CNOT1: variants seen among roughly 807,000 people sequenced by gnomAD.
The protein encoded by CNOT1 is CCR4-associated factor 1.
CNOT1 carries 15 observed loss-of-function variants against 273.8 expected under a neutral mutation model. The ratio of observed to expected loss-of-function variants is 0.05; its 90% CI spans 0.04 to 0.08. The LOEUF is 0.08. Among genes scored for constraint, CNOT1 ranks in the 10% least tolerant of loss-of-function variants. CNOT1 has a pLI of 1.00. For synonymous variants in CNOT1, 1,022 were observed against 1,005.5 expected, an observed-to-expected ratio of 1.02 and a Z score of -0.31; for missense variants, 1,644 against 2,912.2, an observed-to-expected ratio of 0.56 and a Z score of 10.02.
At chr16:58,616,328 A>G (rs2043080177) in intron 1 of CNOT1, among the ~76,000 whole-genome samples, 6 of 117,998 alleles carry the variant, frequency 5.1e-5, no homozygotes, top group African/African-American at 1.1e-4. Flanking sequence ...CTGGTCTTGA[A>G]CTCCTGACCT....
chr16:58,542,694 CT>C, intron 31 of CNOT1, 126 bp from the exon 32 acceptor site: 1 of 1,370,276 alleles, frequency 7.3e-7, no homozygotes, highest in Non-Finnish European at 9.7e-7. Context: ...TCTGACTCTA[CT>C]TATGAACAAG....
At position 58,520,753 on chromosome 16, in the gene CNOT1, T is replaced by C; in HGVS notation, c.*205A>G. On this transcript the variant is annotated 3_prime_UTR_variant, in exon 49 of 49. Transcript: ENST00000317147. The stretch of plus-strand genomic sequence containing the variant: ...TGATATTCACAGCATCTTCTAAATT[T>C]TGGCCAAGAGTCAAAAAAATGCATT... 1.7e-6 allele frequency: 1 copy of C among 574,304 alleles called. No individual in the cohort carries two copies. Among genetic ancestry groups the C allele is most frequent in the Non-Finnish European group, 3.1e-6 (1 of 321,828 alleles). 35.6% of individuals were successfully genotyped at this position (574,304 alleles called of 1,614,324 possible). A position where few individuals can be genotyped will look rare whatever the true frequency, so the allele number is the denominator to read the frequency against.
At chr16:58,613,826 C>T (rs149486959) in intron 1 of CNOT1, among the ~76,000 whole-genome samples, 2,343 of 122,682 alleles carry the variant, frequency 0.019, 432 homozygotes, top group African/African-American at 0.061. Flanking sequence ...TGGTGGCTCA[C>T]GCCTGTAATC....
Position 58,537,049 on chromosome 16 carries a change from G to C in CNOT1, c.5586C>G (p.Leu1862=). ...CGCGGCCAGCTGCTGCTGAATGGTA[G>C]AGATTCACCCATTCCCTCAGAAGAT... The part of the protein sequence containing the change: ...AEYLLREWVN[L]YHSAAAGRDS... The change falls in exon 39 of 49, where the codon CTC becomes CTG. Residue 1862 remains leucine, a synonymous_variant. Coordinates refer to ENST00000317147, the MANE Select transcript of CNOT1 (RefSeq NM_016284.5). The C allele has an allele frequency of 6.2e-7, 1 of 1,614,100 alleles. No homozygotes were observed. The highest frequency in any genetic ancestry group is 8.5e-7 in the Non-Finnish European group (1 of 1,179,968).
chr16:58,621,273 T>G (rs1458672888), intron 1 of CNOT1, among the ~76,000 whole-genome samples: 2 of 151,926 alleles, frequency 1.3e-5, no homozygotes, highest in Non-Finnish European at 2.9e-5. Context: ...AGCTAACTAT[T>G]CTTTCTTTTT....
At chr16:58,577,755 G>C (rs2041509098) in intron 13 of CNOT1, among the ~76,000 whole-genome samples, 1 of 151,542 alleles carries the variant, frequency 6.6e-6, no homozygotes, top group African/African-American at 2.4e-5. Context: ...CAGAATGACT[G>C]ACTGAGCCTG....
rs116905712 is a variant in CNOT1 at position 58,593,895 on chromosome 16, A to G, written c.103-4989T>C. 5.2e-3 allele frequency among the ~76,000 whole-genome samples: 799 copies of G among 152,344 alleles called. 2 individuals are homozygous for G. Among genetic ancestry groups the G allele is most frequent in the Middle Eastern group, 0.014 (4 of 294 alleles). On this transcript the variant is annotated intron_variant, in intron 2 of 48. Coordinates refer to ENST00000317147, the MANE Select transcript of CNOT1 (RefSeq NM_016284.5). Reference sequence around the variant, plus strand: ...ATTATTTAGCCATAAAAAGAAATGAAGTACTGATACATGCTACAATACAGA... The same window carrying G: ...ATTATTTAGCCATAAAAAGAAATGAGGTACTGATACATGCTACAATACAGA...
chr16:58,580,180 T>C (rs2151972934), intron 12 of CNOT1, among the ~76,000 whole-genome samples: 1 of 152,034 alleles, frequency 6.6e-6, no homozygotes, highest in East Asian at 1.9e-4. Flanking sequence ...ACTGCACTCC[T>C]GAGATTGTGC....
At chr16:58,563,188 C>T (rs1344812167) in intron 16 of CNOT1, among the ~76,000 whole-genome samples, 1 of 152,106 alleles carries the variant, frequency 6.6e-6, no homozygotes, top group Non-Finnish European at 1.5e-5. Flanking sequence ...TATATGGGAC[C>T]ACATATACAA....
intron 1 of CNOT1, among the ~76,000 whole-genome samples, chr16:58,622,367 G>C (rs9925537): frequency 1.0e-5 from 1 of 96,840 alleles, no homozygotes; most frequent in African/African-American, 4.5e-5. Context: ...TGGACAATGG[G>C]CAAGGCAAAG....
At position 58,608,756 on chromosome 16, in the gene CNOT1, T is replaced by C. The variant is rs143770417; in HGVS notation, c.-174-9245A>G. Among the ~76,000 whole-genome samples, 119 of 152,228 alleles carry C rather than the reference T, an allele frequency of 7.8e-4. No homozygotes were observed. The East Asian group carries it at 0.021, about 27-fold the overall frequency. Reference sequence around the variant, plus strand: ...GAGTGGATAAACAAACTGTGGTATATATATACACAACGGAATAGTACTCAG... The same window carrying C: ...GAGTGGATAAACAAACTGTGGTATACATATACACAACGGAATAGTACTCAG... On this transcript the variant is annotated intron_variant, in intron 1 of 48. Coordinates refer to ENST00000317147, the MANE Select transcript of CNOT1 (RefSeq NM_016284.5).
In CNOT1 at chr16:58,521,403, C is replaced by T. The variant is rs1183812635; in HGVS notation, c.6918-86G>A. ...TCCATTACTTTTTTTCTAACTTCTCCCTGACTATTGAACCACATGCAAAAG... is the reference window on the plus strand; with the variant it reads ...TCCATTACTTTTTTTCTAACTTCTCTCTGACTATTGAACCACATGCAAAAG... On this transcript the variant is annotated intron_variant, in intron 47 of 48. Transcript: ENST00000317147. The T allele has an allele frequency of 2.2e-6, 3 of 1,385,156 alleles. No homozygotes were observed. In the South Asian group the frequency reaches 4.1e-5, roughly 19 times the overall value. The allele number at this position is 1,385,156 out of a possible 1,614,324, so 85.8% of individuals were successfully genotyped here. A position where few individuals can be genotyped will look rare whatever the true frequency, so the allele number is the denominator to read the frequency against.
At chr16:58,565,682 C>T (rs572287209) in intron 16 of CNOT1, among the ~76,000 whole-genome samples, 1 of 152,206 alleles carries the variant, frequency 6.6e-6, no homozygotes, top group African/African-American at 2.4e-5. Flanking sequence ...ATGGCTCATA[C>T]CTGTCATCCC....
rs1251589865 is a variant in CNOT1 at position 58,528,656 on chromosome 16, T to C, written c.6280-8A>G. 1 of 1,585,236 alleles carries C rather than the reference T, an allele frequency of 6.3e-7. No homozygotes were observed. The highest frequency in any genetic ancestry group is 1.9e-5 in the Admixed American group (1 of 53,252). The stretch of plus-strand genomic sequence containing the variant: ...CAGCACTCTTAAAGTGCCCTATTTT[T>C]AAAAAACAAGAAAAATATTTCCACA... On this transcript the variant is annotated splice_region_variant and splice_polypyrimidine_tract_variant and intron_variant, in intron 43 of 48. Coordinates refer to ENST00000317147, the MANE Select transcript of CNOT1 (RefSeq NM_016284.5).
At chr16:58,549,242 G>A (rs1322397457) in intron 25 of CNOT1, among the ~76,000 whole-genome samples, 3 of 149,144 alleles carry the variant, frequency 2.0e-5, no homozygotes, top group South Asian at 4.2e-4. Context: ...AGCCGAGATC[G>A]TGCCACTGCA....
chr16:58,545,731 C>T (rs1459336721), intron 29 of CNOT1, among the ~76,000 whole-genome samples: 1 of 152,200 alleles, frequency 6.6e-6, no homozygotes, highest in African/African-American at 2.4e-5. Flanking sequence ...CAGAAATCAA[C>T]TGAGCAGCCA....
intron 1 of CNOT1, among the ~76,000 whole-genome samples, chr16:58,628,729 T>C (rs1377049727): frequency 2.0e-5 from 3 of 152,180 alleles, no homozygotes; most frequent in Non-Finnish European, 4.4e-5. Context: ...AATGTGACAT[T>C]TGATTAACTT....
rs1303722438 is a variant in CNOT1, at chr16:58,618,572, G to A, written c.-175+11156C>T. On this transcript the variant is annotated intron_variant, in intron 1 of 48. Transcript: ENST00000317147. ...CACTCCAGGCTGGGCGACAGGGCGA[G>A]ACTCCATTTCAAAGAAAAAAATTAG... is the stretch of plus-strand genomic sequence containing the variant. Among the ~76,000 whole-genome samples the A allele has an allele frequency of 2.0e-5, 3 of 151,102 alleles. No homozygotes were observed. In the Admixed American group the frequency reaches 2.0e-4, roughly 10 times the overall value.
chr16:58,584,635 A>G (rs2041775045), intron 8 of CNOT1, among the ~76,000 whole-genome samples: 2 of 150,278 alleles, frequency 1.3e-5, no homozygotes, highest in African/African-American at 5.0e-5. Flanking sequence ...CCCAGCCTGC[A>G]TCCTAACTTT....
Sources: allele counts gnomAD v4.1 joint callset (sites outside exome capture counted in the v4.1 genomes callset), GRCh38; gene constraint gnomAD v4.1.1; transcripts MANE v1.5; gene names NCBI Gene and HGNC (gene_info 2026-07-23, HGNC 2026-07-21).